ABCA5: variants seen among roughly 807,000 people sequenced by gnomAD.
ABCA5 encodes ATP binding cassette subfamily A member 5.
Under a neutral mutation model 206.0 loss-of-function variants are expected in ABCA5, and 163 were observed. The ratio of observed to expected loss-of-function variants is 0.79; its 90% CI spans 0.70 to 0.90. The LOEUF (loss-of-function observed/expected upper bound fraction) is 0.90, where lower values mean the gene tolerates loss of function less well. Ranked by LOEUF, ABCA5 falls within the 40% of genes least tolerant of loss-of-function variation. ABCA5 has a pLI of 0.00. For missense variants in ABCA5, 1,859 were observed against 1,912.9 expected, an observed-to-expected ratio of 0.97 and a Z score of 0.53; for synonymous variants, 609 against 613.8, an observed-to-expected ratio of 0.99 and a Z score of 0.11.
Position 69,313,265 on chromosome 17 carries a change from C to T in ABCA5, c.134G>A (p.Trp45Ter). Reference sequence around the variant, plus strand: ...ATGCATCATGCTAATTAATATTAACCAAAATAAAAAAAATAGTGGAAAAAG... The same window carrying T: ...ATGCATCATGCTAATTAATATTAACTAAAATAAAAAAAATAGTGGAAAAAG... ...EILFPLFFLF[W>*]LILISMMHPN... Residue 45 changes from tryptophan to a stop codon, truncating the protein, a stop_gained, in exon 3 of 39, where the codon TGG (tryptophan) becomes TAG (stop). Transcript: ENST00000392676. LOFTEE classifies it high-confidence loss of function. 1.4e-6 allele frequency: 2 copies of T among 1,431,988 alleles called. No individual in the cohort carries two copies. The highest frequency in any genetic ancestry group is 1.3e-5 in the South Asian group (1 of 78,802). The allele number at this position is 1,431,988 out of a possible 1,614,324, so 88.7% of individuals were successfully genotyped here.
intron 35 of ABCA5, 85 bp from the exon 36 acceptor site, chr17:69,250,706 A>C (rs2144887969): frequency 1.0e-6 from 1 of 966,134 alleles, no homozygotes; most frequent in East Asian, 3.0e-5. Context: ...ACATTTTAAA[A>C]AAATATACCT....
intron 1 of ABCA5, among the ~76,000 whole-genome samples, chr17:69,316,283 A>G (rs552396814): frequency 6.6e-6 from 1 of 152,224 alleles, no homozygotes; most frequent in Non-Finnish European, 1.5e-5. Flanking sequence ...ACCTGAGGTC[A>G]GGAGTTCAAG....
chr17:69,268,173 A>C lies in ABCA5; in HGVS notation c.3031-117T>G, dbSNP rs1598161143. The C allele has an allele frequency of 1.4e-5, 8 of 564,150 alleles. No individual in the cohort carries two copies. In the East Asian group the frequency reaches 2.4e-4, roughly 17 times the overall value. The allele number at this position is 564,150 out of a possible 1,614,324, so 34.9% of individuals were successfully genotyped here. A position where few individuals can be genotyped will look rare whatever the true frequency, so the allele number is the denominator to read the frequency against. Reference sequence around the variant, plus strand: ...CAAAACCTCAGAAAGAATGTATTAGAATATCTAACCCAGGCATAGTCTACA... The same window carrying C: ...CAAAACCTCAGAAAGAATGTATTAGCATATCTAACCCAGGCATAGTCTACA... On this transcript the variant is annotated intron_variant, in intron 22 of 38. Transcript: ENST00000392676.
At position 69,287,715 on chromosome 17, in the gene ABCA5, G is replaced by A. The variant is rs1567768273; in HGVS notation, c.1939C>T (p.Pro647Ser). 2 of 1,613,480 alleles carry A rather than the reference G, an allele frequency of 1.2e-6. No homozygotes were observed. Among genetic ancestry groups the A allele is most frequent in the Non-Finnish European group, 8.5e-7 (1 of 1,179,702 alleles). ...TTCCATACAATATGTCGAGAACAGGGGTCCATTCCAGCTGTTGGTTCATCT... is the reference window on the plus strand; with the variant it reads ...TTCCATACAATATGTCGAGAACAGGAGTCCATTCCAGCTGTTGGTTCATCT... The part of the protein sequence containing the change: ...LLDEPTAGMD[P>S]CSRHIVWNLL... Residue 647 changes from proline to serine, a missense_variant, in exon 15 of 39, where the codon CCC becomes TCC. By Grantham distance (74) the Pro-to-Ser change is moderately conservative (BLOSUM62 -1). Coordinates refer to ENST00000392676, the MANE Select transcript of ABCA5 (RefSeq NM_172232.4).
intron 1 of ABCA5, among the ~76,000 whole-genome samples, chr17:69,320,952 G>A (rs2075859956): frequency 6.6e-6 from 1 of 152,128 alleles, no homozygotes; most frequent in African/African-American, 2.4e-5. Context: ...CTCGACAATT[G>A]GTCGAGAGAT....
In ABCA5 at chr17:69,286,235, G is replaced by A. The variant is rs141520494; in HGVS notation, c.2118C>T (p.Ile706=). The change falls in exon 16 of 39, where the codon ATC becomes ATT. Residue 706 remains isoleucine (I), a synonymous_variant. Transcript: ENST00000392676. Reference sequence around the variant, plus strand: ...ATGAATGATACCTCAGGCGGTAGCCGATCCCCCATTTACTTTTGAGGAACA... The same window carrying A: ...ATGAATGATACCTCAGGCGGTAGCCAATCCCCCATTTACTTTTGAGGAACA... ...SSMFLKSKWG[I]GYRLSMYIDK... is the part of the protein sequence containing the mutation. The A allele has an allele frequency of 7.2e-5, 116 of 1,602,118 alleles. No homozygotes were observed. The African/African-American group carries it at 9.6e-4, about 13-fold the overall frequency.
intron 6 of ABCA5, among the ~76,000 whole-genome samples, chr17:69,306,450 C>T (rs1030146116): frequency 1.3e-5 from 2 of 151,976 alleles, no homozygotes; most frequent in East Asian, 1.9e-4. Flanking sequence ...GAAATATACA[C>T]GGAGTGTGCC....
At chr17:69,301,802 A>T (rs1209818077) in intron 8 of ABCA5, among the ~76,000 whole-genome samples, 1 of 152,142 alleles carries the variant, frequency 6.6e-6, no homozygotes, top group Non-Finnish European at 1.5e-5. Flanking sequence ...TTGAAGCCTC[A>T]TTTAGGTCCT....
chr17:69,248,269 A>G lies in ABCA5; in HGVS notation c.4814T>C (p.Leu1605Ser), dbSNP rs765222882. 2 of 1,551,160 alleles carry G rather than the reference A, an allele frequency of 1.3e-6. No individual in the cohort carries two copies. Among genetic ancestry groups the G allele is most frequent in the African/African-American group, 2.8e-5 (2 of 72,714 alleles). The change falls in exon 38 of 39, where the codon TTG (leucine) becomes TCG (serine). Residue 1605 changes from leucine (L) to serine (S), a missense_variant. Transcript: ENST00000392676. ...AATTTAACTTTATAGTACCTGTTCCAATGTTGCTTGAGAAAAGCTATATTC... is the reference window on the plus strand; with the variant it reads ...AATTTAACTTTATAGTACCTGTTCCGATGTTGCTTGAGAAAAGCTATATTC... ...IEEYSFSQAT[L>S]EQVFVELTKE...
At chr17:69,306,580 C>T in intron 6 of ABCA5, 145 bp downstream of exon 6, 1 of 353,350 alleles carries the variant, frequency 2.8e-6, no homozygotes. Context: ...TGACTAATCT[C>T]AAATTCCAAG....
chr17:69,273,636 A>T (rs2075298423), intron 20 of ABCA5, among the ~76,000 whole-genome samples: 1 of 151,808 alleles, frequency 6.6e-6, no homozygotes, highest in African/African-American at 2.4e-5. Flanking sequence ...TTATATTTTT[A>T]GTAGAGACGG....
intron 14 of ABCA5, among the ~76,000 whole-genome samples, chr17:69,288,010 C>T (rs2075479077): frequency 6.6e-6 from 1 of 152,076 alleles, no homozygotes; most frequent in Admixed American, 6.6e-5. Flanking sequence ...GTCAGACAAA[C>T]AAACTAAAAA....
At position 69,250,591 on chromosome 17, in the gene ABCA5, A is replaced by T; in HGVS notation, c.4566T>A (p.Ser1522Arg). ...CCAAAAAGTAGCCTTTTCCAAATTTACTCTTTAGATGTTGTACTGTTCCGA... is the reference window on the plus strand; with the variant it reads ...CCAAAAAGTAGCCTTTTCCAAATTTTCTCTTTAGATGTTGTACTGTTCCGA... ...RCIGTVQHLK[S>R]KFGKGYFLEI... Residue 1522 changes from serine (S) to arginine (R), a missense_variant, in exon 36 of 39, where the codon AGT (serine) becomes AGA (arginine). Transcript: ENST00000392676. 6.3e-7 allele frequency: 1 copy of T among 1,598,078 alleles called. No homozygotes were observed. Among genetic ancestry groups the T allele is most frequent in the Non-Finnish European group, 8.5e-7 (1 of 1,174,364 alleles).
intron 13 of ABCA5, 102 bp downstream of exon 13, chr17:69,289,760 T>G: frequency 1.1e-6 from 1 of 876,234 alleles, no homozygotes. Flanking sequence ...TCAGAACAAG[T>G]GTTATATTTA....
chr17:69,294,512 A>T, intron 11 of ABCA5, 143 bp downstream of exon 11: 1 of 727,322 alleles, frequency 1.4e-6, no homozygotes, highest in Non-Finnish European at 2.2e-6. Context: ...ACAGAGCGAG[A>T]CTCCATCTCA....
At chr17:69,253,926 A>T in intron 32 of ABCA5, 57 bp from the exon 33 acceptor site, 2 of 1,388,984 alleles carry the variant, frequency 1.4e-6, no homozygotes, top group Non-Finnish European at 2.0e-6. Flanking sequence ...CACAAATACC[A>T]ACTGGGTGTG....
intron 18 of ABCA5, among the ~76,000 whole-genome samples, chr17:69,279,730 A>T (rs933059940): frequency 3.9e-5 from 6 of 152,264 alleles, no homozygotes; most frequent in Non-Finnish European, 2.9e-5. Context: ...ATAATGCCGC[A>T]TATCTACAAC....
intron 17 of ABCA5, among the ~76,000 whole-genome samples, chr17:69,284,885 A>G (rs1029460965): frequency 6.6e-6 from 1 of 152,196 alleles, no homozygotes; most frequent in Non-Finnish European, 1.5e-5. Context: ...GGTCCATCCT[A>G]CAGGAGATCC....
intron 24 of ABCA5, among the ~76,000 whole-genome samples, chr17:69,261,980 A>G (rs539431524): frequency 1.2e-3 from 181 of 152,010 alleles, no homozygotes; most frequent in Non-Finnish European, 2.2e-3. Flanking sequence ...TACTATTTTA[A>G]TATACAGCAC....
Sources: gnomAD v4.1 joint callset for allele counts (sites outside exome capture counted in the v4.1 genomes callset) on GRCh38, gnomAD v4.1.1 for gene constraint, MANE v1.5 for transcripts, NCBI Gene and HGNC (gene_info 2026-07-23, HGNC 2026-07-21) for gene names.